Variants in ATP9B observed in about 807,000 individuals in gnomAD.
The protein encoded by ATP9B is ATPase phospholipid transporting 9B, also known as probable phospholipid-transporting ATPase IIB.
Under a neutral mutation model 146.1 loss-of-function variants are expected in ATP9B, and 110 were observed. That is an observed-to-expected ratio of 0.75 (90% CI 0.65 to 0.88). ATP9B has a LOEUF of 0.88. ATP9B is among the 40% of genes least tolerant of loss of function. The pLI is 0.00. For synonymous variants in ATP9B, 604 were observed against 569.7 expected, an observed-to-expected ratio of 1.06 and a Z score of -0.86; for missense variants, 1,499 against 1,496.4, an observed-to-expected ratio of 1.00 and a Z score of -0.03.
chr18:79,227,799 G>A (rs922300553), intron 11 of ATP9B, among the ~76,000 whole-genome samples: 3 of 152,140 alleles, frequency 2.0e-5, no homozygotes, highest in Non-Finnish European at 4.4e-5. Context: ...CTCAGTGCAC[G>A]TGGGCTCCAG....
At chr18:79,277,021 A>G (rs753071086) in intron 12 of ATP9B, 33 bp from the exon 13 acceptor site, 3 of 1,613,592 alleles carry the variant, frequency 1.9e-6, no homozygotes, top group Non-Finnish European at 2.5e-6. Context: ...GCTCTGGATC[A>G]CACTAACCAC....
At chr18:79,100,279 C>A (rs2075165563) in intron 2 of ATP9B, among the ~76,000 whole-genome samples, 2 of 152,142 alleles carry the variant, frequency 1.3e-5, no homozygotes, top group Admixed American at 1.3e-4. Context: ...TCAGTGAAGT[C>A]ATAGTTGTTG....
intron 15 of ATP9B, among the ~76,000 whole-genome samples, chr18:79,310,589 CT>C (rs1322383954): frequency 6.6e-6 from 1 of 152,124 alleles, no homozygotes; most frequent in African/African-American, 2.4e-5. Flanking sequence ...TGTCATTCAT[CT>C]TTTTTTCCTT....
chr18:79,267,568 G>A, intron 12 of ATP9B, among the ~76,000 whole-genome samples: 1 of 152,016 alleles, frequency 6.6e-6, no homozygotes, highest in Non-Finnish European at 1.5e-5. Context: ...TTATTGTTAA[G>A]TACAGAATAT....
intron 25 of ATP9B, among the ~76,000 whole-genome samples, chr18:79,350,771 C>CT (rs34086629): frequency 0.42 from 59,100 of 140,686 alleles, 12,569 homozygotes; most frequent in East Asian, 0.69. Context: ...ACATTAGTTG[C>CT]TTTTTTTTTT....
At chr18:79,209,706 C>T (rs2095566656) in intron 10 of ATP9B, 1 of 981,918 alleles carries the variant, frequency 1.0e-6, no homozygotes, top group East Asian at 1.1e-4. Context: ...ACCATCCACT[C>T]GAGAAGCTTA....
chr18:79,340,656 A>G (rs2096853296), intron 19 of ATP9B, among the ~76,000 whole-genome samples: 1 of 152,224 alleles, frequency 6.6e-6, no homozygotes, highest in African/African-American at 2.4e-5. Context: ...CTTTGCTGTT[A>G]TATATATCAA....
chr18:79,123,644 G>A (rs2094228573), intron 4 of ATP9B, among the ~76,000 whole-genome samples: 1 of 151,888 alleles, frequency 6.6e-6, no homozygotes, highest in Non-Finnish European at 1.5e-5. Context: ...GATCAAAGTT[G>A]GAGAACTCAC....
At chr18:79,091,335 C>T (rs918007354) in intron 1 of ATP9B, among the ~76,000 whole-genome samples, 1 of 151,958 alleles carries the variant, frequency 6.6e-6, no homozygotes, top group Non-Finnish European at 1.5e-5. Context: ...ATTGGTATTT[C>T]GATAGGGATT....
chr18:79,125,067 T>C (rs901147810), intron 4 of ATP9B, among the ~76,000 whole-genome samples: 2 of 152,218 alleles, frequency 1.3e-5, no homozygotes, highest in Non-Finnish European at 2.9e-5. Flanking sequence ...CGTGAGATGG[T>C]CTGCCTTACT....
At chr18:79,112,123 T>C (rs1307517306) in intron 3 of ATP9B, among the ~76,000 whole-genome samples, 1 of 152,224 alleles carries the variant, frequency 6.6e-6, no homozygotes. Context: ...CGTATGATGA[T>C]GCAGATAACC....
intron 5 of ATP9B, among the ~76,000 whole-genome samples, chr18:79,128,862 C>T (rs1368718561): frequency 6.6e-6 from 1 of 152,134 alleles, no homozygotes; most frequent in Non-Finnish European, 1.5e-5. Flanking sequence ...TTACAGCACC[C>T]AGGAAATTGC....
At chr18:79,332,868 C>T (rs924295684) in intron 17 of ATP9B, 3 of 152,206 alleles carry the variant, frequency 2.0e-5, no homozygotes, top group Admixed American at 2.0e-4. Context: ...CGGGAAGAGA[C>T]ACAGCTGTTG....
At chr18:79,226,918 G>C (rs1320147774) in intron 11 of ATP9B, among the ~76,000 whole-genome samples, 1 of 152,182 alleles carries the variant, frequency 6.6e-6, no homozygotes, top group East Asian at 1.9e-4. Context: ...GCTGTGTGTT[G>C]GGCCCTGTGT....
At chr18:79,080,873 G>A (rs988870351) in intron 1 of ATP9B, among the ~76,000 whole-genome samples, 28 of 152,228 alleles carry the variant, frequency 1.8e-4, no homozygotes, top group Non-Finnish European at 2.8e-4. Context: ...CATCTATTGA[G>A]ATAATCGTGG....
Position 79,069,403 on chromosome 18 carries a change from G to A in ATP9B, c.-8G>A. The A allele has an allele frequency of 6.7e-7, 1 of 1,494,872 alleles. No individual in the cohort carries two copies. The highest frequency in any genetic ancestry group is 1.3e-5 in the South Asian group (1 of 77,050). 92.6% of individuals were successfully genotyped at this position (1,494,872 alleles called of 1,614,324 possible). A position where few individuals can be genotyped will look rare whatever the true frequency, so the allele number is the denominator to read the frequency against. ...AAGTGGGAGGGGCGGGAAAGGGGCG[G>A]TCGGAACATGGCGGACCAGATCCCG... is the stretch of plus-strand genomic sequence containing the variant. On this transcript the variant is annotated 5_prime_UTR_variant, in exon 1 of 30. Coordinates refer to ENST00000426216, the MANE Select transcript of ATP9B (RefSeq NM_198531.5).
chr18:79,234,556 G>A (rs79356545), intron 11 of ATP9B, among the ~76,000 whole-genome samples: 9,600 of 152,102 alleles, frequency 0.063, 410 homozygotes, highest in African/African-American at 0.11. Context: ...TGCTTGCTGC[G>A]GGCGTGCTGC....
intron 6 of ATP9B, chr18:79,144,627 C>T (rs1391157588): frequency 1.3e-5 from 2 of 152,268 alleles, no homozygotes; most frequent in Admixed American, 1.3e-4. Context: ...TCTTGAAAGG[C>T]CCGGGGTTAG....
chr18:79,257,281 G>T (rs1022311438), intron 12 of ATP9B, among the ~76,000 whole-genome samples: 2 of 152,238 alleles, frequency 1.3e-5, no homozygotes, highest in South Asian at 2.1e-4. Flanking sequence ...GCCTGGGCAG[G>T]CAAAAGAACA....
Sources: gnomAD v4.1 joint callset for allele counts (sites outside exome capture counted in the v4.1 genomes callset) on GRCh38, gnomAD v4.1.1 for gene constraint, MANE v1.5 for transcripts, NCBI Gene and HGNC (gene_info 2026-07-23, HGNC 2026-07-21) for gene names.